Variants in TBCB observed in about 807,000 individuals in gnomAD.
TBCB encodes tubulin folding cofactor B, also known as tubulin-folding cofactor B.
Under a neutral mutation model 29.2 loss-of-function variants are expected in TBCB, and 18 were observed. The observed-to-expected ratio is 0.62, with a 90% confidence interval of 0.43 to 0.91. The LOEUF is 0.91. Among genes scored for constraint, TBCB ranks in the 40% least tolerant of loss-of-function variants. The pLI, the probability that TBCB is intolerant of heterozygous loss-of-function variation, is 0.00. For synonymous variants in TBCB, 172 were observed against 137.8 expected, an observed-to-expected ratio of 1.25 and a Z score of -1.74; for missense variants, 336 against 337.6, an observed-to-expected ratio of 1.00 and a Z score of 0.04.
intron 2 of TBCB, among the ~76,000 whole-genome samples, chr19:36,117,148 G>C (rs142894953): frequency 7.2e-5 from 11 of 152,196 alleles, no homozygotes; most frequent in Non-Finnish European, 1.3e-4. Context: ...CCCCTTCTTT[G>C]CTTTATTTTA....
At chr19:36,121,227 G>A (rs550414394) in intron 3 of TBCB, among the ~76,000 whole-genome samples, 2 of 151,666 alleles carry the variant, frequency 1.3e-5, no homozygotes, top group South Asian at 2.1e-4. Context: ...CCTCAGGGCC[G>A]GAGGAGGGCG....
intron 4 of TBCB, among the ~76,000 whole-genome samples, chr19:36,123,190 TA>T (rs1974084101): frequency 6.6e-6 from 1 of 152,116 alleles, no homozygotes; most frequent in African/African-American, 2.4e-5. Flanking sequence ...AGTCACCAGT[TA>T]GTGGACATTA....
upstream of TBCB, chr19:36,115,158 G>A (rs533334515): frequency 3.5e-6 from 2 of 567,970 alleles, no homozygotes; most frequent in East Asian, 3.0e-5. Flanking sequence ...GCAAAACACT[G>A]AGCATCCAGG....
chr19:36,121,127 G>A (rs1214233082), intron 3 of TBCB, among the ~76,000 whole-genome samples: 1 of 151,446 alleles, frequency 6.6e-6, no homozygotes. Context: ...CGGACGGGGT[G>A]TGGAGGGCAG....
rs1303916843 is a variant in TBCB, at chr19:36,120,369, A to G, written c.259-341A>G. 1.2e-5 allele frequency: 3 copies of G among 259,582 alleles called. No homozygotes were observed. In the East Asian group the frequency reaches 2.7e-4, roughly 23 times the overall value. 16.1% of individuals were successfully genotyped at this position (259,582 alleles called of 1,614,324 possible). A position where few individuals can be genotyped will look rare whatever the true frequency, so the allele number is the denominator to read the frequency against. ...CAGCTTAGGAGAGTCCCAGAGGCCC[A>G]TCGAGGAGATGCGCTGTGCACAGGG... On this transcript the variant is annotated intron_variant, in intron 2 of 5. Transcript: ENST00000221855.
In TBCB at chr19:36,115,488, A is replaced by AGCG. The variant is rs954418313; in HGVS notation, c.-61_-59dup. 2.0e-4 allele frequency: 227 copies of AGCG among 1,149,008 alleles called. No individual in the cohort carries two copies. The highest frequency in any genetic ancestry group is 1.8e-3 in the Middle Eastern group (7 of 3,796). The allele number at this position is 1,149,008 out of a possible 1,614,324, so 71.2% of individuals were successfully genotyped here. On this transcript the variant is annotated 5_prime_UTR_variant, in exon 1 of 6. Coordinates refer to ENST00000221855, the MANE Select transcript of TBCB (RefSeq NM_001281.3). ...GCGGGGCTGATAGCCCAGCAGCAGC[A>AGCG]GCGGCGGCGGCGGCTGCGGAGCGGG... is the stretch of plus-strand genomic sequence containing the variant.
intron 4 of TBCB, among the ~76,000 whole-genome samples, chr19:36,123,254 CTTTTTTTTTT>C (rs201890657): frequency 3.0e-5 from 4 of 131,448 alleles, no homozygotes; most frequent in Non-Finnish European, 4.8e-5. Context: ...GAACCTTCTT[CTTTTTTTTTT>C]TTTTTTTTTT....
upstream of TBCB, chr19:36,115,263 G>C (rs1040546218): frequency 7.5e-6 from 4 of 530,148 alleles, no homozygotes; most frequent in Non-Finnish European, 1.3e-5. Flanking sequence ...TCCTACCTCC[G>C]GGCTTCAGTC....
chr19:36,123,637 G>C (rs1051296229), intron 4 of TBCB, among the ~76,000 whole-genome samples: 11 of 152,220 alleles, frequency 7.2e-5, no homozygotes, highest in Non-Finnish European at 1.5e-4. Flanking sequence ...ACTTTGGGAG[G>C]CCAAGGTGGG....
intron 4 of TBCB, among the ~76,000 whole-genome samples, chr19:36,122,631 A>G (rs1287153609): frequency 6.7e-6 from 1 of 150,024 alleles, no homozygotes; most frequent in Non-Finnish European, 1.5e-5. Flanking sequence ...GAGCACCTAT[A>G]GGTGCCCCAG....
intron 1 of TBCB, 31 bp downstream of exon 1, chr19:36,115,705 C>A: frequency 8.1e-6 from 2 of 247,428 alleles, no homozygotes; most frequent in South Asian, 4.6e-5. Context: ...TCCGGAGGGG[C>A]GGGGCGAAGA....
In TBCB at chr19:36,115,541, C is replaced by T. The variant is rs961446816; in HGVS notation, c.-20C>T. The T allele has an allele frequency of 6.3e-7, 1 of 1,575,210 alleles. No individual in the cohort carries two copies. The highest frequency in any genetic ancestry group is 8.6e-7 in the Non-Finnish European group (1 of 1,157,524). On this transcript the variant is annotated 5_prime_UTR_variant, in exon 1 of 6. Coordinates refer to ENST00000221855, the MANE Select transcript of TBCB (RefSeq NM_001281.3). ...TGAGGCGGCTGGACCGCGCTGCAGG[C>T]ATCCGCAGGGCGCGGCAAGATGGAG...
intron 2 of TBCB, 100 bp from the exon 3 acceptor site, chr19:36,120,610 G>A (rs1421575485): frequency 4.2e-6 from 4 of 944,734 alleles, no homozygotes; most frequent in Non-Finnish European, 6.7e-6. Context: ...GAGGGAGGGA[G>A]ATGCGTTTTT....
chr19:36,121,483 G>T, intron 3 of TBCB, 44 bp from the exon 4 acceptor site: 3 of 1,524,332 alleles, frequency 2.0e-6, no homozygotes, highest in Non-Finnish European at 2.6e-6. Context: ...ATCCTGTTAG[G>T]CCCGGCCGAC....
upstream of TBCB, chr19:36,115,392 G>A (rs568640646): frequency 1.7e-6 from 1 of 602,972 alleles, no homozygotes; most frequent in East Asian, 2.9e-5. Context: ...CCTGGCGGTG[G>A]GGAAGGGACG....
rs1313878185 is a variant in TBCB at position 36,121,719 on chromosome 19, G to C, written c.547+1G>C. ...CGCCGGGGCACCGTCATGTATGTAG[G>C]TGCGTGGCTCGCGGGCCCGGTCCCG... On this transcript the variant is annotated splice_donor_variant, in intron 4 of 5. Transcript: ENST00000221855. LOFTEE classifies it high-confidence loss of function. The C allele has an allele frequency of 1.9e-5, 30 of 1,551,586 alleles. No individual in the cohort carries two copies. Among genetic ancestry groups the C allele is most frequent in the Non-Finnish European group, 2.5e-5 (29 of 1,148,766 alleles).
chr19:36,115,833 G>A (rs1973941369), intron 1 of TBCB, 159 bp downstream of exon 1: 3 of 1,059,110 alleles, frequency 2.8e-6, no homozygotes, highest in East Asian at 5.2e-5. Flanking sequence ...CGGGTCCGGA[G>A]AGAACTCGAG....
upstream of TBCB, chr19:36,115,423 CT>C (rs1973929088): frequency 3.1e-6 from 2 of 655,550 alleles, no homozygotes; most frequent in East Asian, 5.8e-5. Flanking sequence ...GCGGACGCTC[CT>C]GGCAGGAGAG....
rs540024634 is a variant in TBCB, at chr19:36,118,259, G to A, written c.258+2075G>A. Reference sequence around the variant, plus strand: ...GCAGATGTTGGCTAAATGGCCAGAGGACTGAATGTGAAGGGTCAGGGGAGA... The same window carrying A: ...GCAGATGTTGGCTAAATGGCCAGAGAACTGAATGTGAAGGGTCAGGGGAGA... On this transcript the variant is annotated intron_variant, in intron 2 of 5. Transcript: ENST00000221855. 7.2e-4 allele frequency among the ~76,000 whole-genome samples: 110 copies of A among 152,312 alleles called. 2 individuals carry two copies. Among genetic ancestry groups the A allele is most frequent in the Middle Eastern group, 6.8e-3 (2 of 294 alleles).
Sources: gnomAD v4.1 joint callset for allele counts (sites outside exome capture counted in the v4.1 genomes callset) on GRCh38, gnomAD v4.1.1 for gene constraint, MANE v1.5 for transcripts, NCBI Gene and HGNC (gene_info 2026-07-23, HGNC 2026-07-21) for gene names.